SEMA5A: variants seen among roughly 807,000 people sequenced by gnomAD.
SEMA5A encodes semaphorin 5A, also known as semaphorin-5A.
A neutral mutation model predicts 135.5 loss-of-function variants in SEMA5A; 55 were observed. The observed-to-expected ratio is 0.41, with a 90% CI of 0.33 to 0.51. The LOEUF is 0.51. SEMA5A is among the 20% of genes least tolerant of loss of function. SEMA5A has a pLI of 0.37. For synonymous variants in SEMA5A, 580 were observed against 546.5 expected (o/e 1.06, Z -0.85); for missense variants, 1,290 against 1,419.9 (o/e 0.91, Z 1.47).
At chr5:9,427,934 A>G (rs1391772860) in intron 2 of SEMA5A, among the ~76,000 whole-genome samples, 1 of 152,052 alleles carries the variant, frequency 6.6e-6, no homozygotes, top group Admixed American at 6.6e-5. Context: ...GTTTCATCCA[A>G]TTATAAGGCT....
chr5:9,282,858 AG>A (rs1454822099), intron 5 of SEMA5A, among the ~76,000 whole-genome samples: 1 of 152,108 alleles, frequency 6.6e-6, no homozygotes. Flanking sequence ...CTTCATGGCA[AG>A]GGGGAAAGTT....
chr5:9,203,012 TA>T (rs1459914335), intron 8 of SEMA5A, among the ~76,000 whole-genome samples: 1 of 152,232 alleles, frequency 6.6e-6, no homozygotes, highest in Non-Finnish European at 1.5e-5. Context: ...AGCCTTTACT[TA>T]ATCACCAAGA....
chr5:9,536,577 C>A (rs1315446738), intron 1 of SEMA5A, among the ~76,000 whole-genome samples: 1 of 151,036 alleles, frequency 6.6e-6, no homozygotes, highest in East Asian at 1.9e-4. Flanking sequence ...CGCACCACTG[C>A]ACTCCAGCCT....
chr5:9,257,193 A>G (rs1012818415), intron 5 of SEMA5A, among the ~76,000 whole-genome samples: 6 of 152,204 alleles, frequency 3.9e-5, no homozygotes, highest in African/African-American at 1.4e-4. Context: ...AGAGTTTTGC[A>G]TCTGGCAATA....
chr5:9,306,140 AT>A (rs1751859341), intron 5 of SEMA5A, among the ~76,000 whole-genome samples: 1 of 152,114 alleles, frequency 6.6e-6, no homozygotes, highest in Admixed American at 6.6e-5. Context: ...TATCTATTGT[AT>A]TTGAGGTTTG....
intron 8 of SEMA5A, among the ~76,000 whole-genome samples, chr5:9,223,822 A>C (rs1017318436): frequency 6.6e-6 from 1 of 152,200 alleles, no homozygotes; most frequent in African/African-American, 2.4e-5. Flanking sequence ...GCTGCATTTC[A>C]GCTGACACAC....
intron 1 of SEMA5A, among the ~76,000 whole-genome samples, chr5:9,468,209 G>GT (rs550159608): frequency 6.6e-6 from 1 of 152,120 alleles, no homozygotes; most frequent in Non-Finnish European, 1.5e-5. Flanking sequence ...GGCATTGTTG[G>GT]TTTTTTTCTT....
At chr5:9,060,366 T>A (rs564922022) in intron 18 of SEMA5A, among the ~76,000 whole-genome samples, 15 of 152,130 alleles carry the variant, frequency 9.9e-5, no homozygotes, top group Admixed American at 3.9e-4. Flanking sequence ...TAGGACAACA[T>A]CCAAGTGTCT....
Position 9,545,146 on chromosome 5 carries a change from G to A in SEMA5A, c.-175+438C>T, listed in dbSNP as rs1385883946. On this transcript the variant is annotated intron_variant, in intron 1 of 22. Coordinates refer to ENST00000382496, the MANE Select transcript of SEMA5A (RefSeq NM_003966.3). This position sits in a 1 kb window ranked among gnomAD's most constrained non-coding sequence, Gnocchi z 4.5. ...AACCTGCCCAAGCCGGTGGGGCTGC[G>A]AGGTGGCCGCTCCCGAACCGCCAAG... Among the ~76,000 whole-genome samples the A allele has an allele frequency of 6.6e-6, 1 of 152,094 alleles. No homozygotes were observed. The highest frequency in any genetic ancestry group is 1.5e-5 in the Non-Finnish European group (1 of 68,014).
chr5:9,529,868 G>T (rs1038075566), intron 1 of SEMA5A, among the ~76,000 whole-genome samples: 1 of 152,188 alleles, frequency 6.6e-6, no homozygotes, highest in African/African-American at 2.4e-5. Context: ...AGTCTTAGAA[G>T]ACTCAGATCC....
At chr5:9,467,897 T>A (rs1015647620) in intron 1 of SEMA5A, among the ~76,000 whole-genome samples, 2 of 152,202 alleles carry the variant, frequency 1.3e-5, no homozygotes, top group East Asian at 3.9e-4. Context: ...ATAACACCAT[T>A]CGGGGCACTA....
chr5:9,089,802 A>G (rs1277656896), intron 16 of SEMA5A, among the ~76,000 whole-genome samples: 2 of 152,176 alleles, frequency 1.3e-5, no homozygotes, highest in Non-Finnish European at 2.9e-5. Context: ...ATAAGGTGAA[A>G]GAAGCTCCCA....
chr5:9,251,953 C>T (rs1579714449), intron 5 of SEMA5A, among the ~76,000 whole-genome samples: 1 of 152,258 alleles, frequency 6.6e-6, no homozygotes, highest in Non-Finnish European at 1.5e-5. Context: ...CCAAAGATTA[C>T]TGAGCTTTTA....
In SEMA5A at chr5:9,039,721, G is replaced by A. The variant is rs1302894819; in HGVS notation, c.*3176C>T. Reference sequence around the variant, plus strand: ...CTGGAGACTGTGGCTCTTCTGTGCGGTGGAGCCTGACCACGTGCCCCCTGA... The same window carrying A: ...CTGGAGACTGTGGCTCTTCTGTGCGATGGAGCCTGACCACGTGCCCCCTGA... On this transcript the variant is annotated 3_prime_UTR_variant, in exon 23 of 23. Transcript: ENST00000382496. 2.0e-5 allele frequency: 3 copies of A among 152,238 alleles called. No homozygotes were observed. The highest frequency in any genetic ancestry group is 4.1e-4 in the South Asian group (2 of 4,830). 9.4% of individuals were successfully genotyped at this position (152,238 alleles called of 1,614,324 possible).
At position 9,154,485 on chromosome 5, in the gene SEMA5A, T is replaced by C. The variant is rs1404443194; in HGVS notation, c.1481+3A>G. 6.2e-7 allele frequency: 1 copy of C among 1,611,876 alleles called. No homozygotes were observed. ...GTGCATCCTGACCCCGGAGATGCCCTACCTGCGTGTGCGGTAGAACTGGCA... is the reference window on the plus strand; with the variant it reads ...GTGCATCCTGACCCCGGAGATGCCCCACCTGCGTGTGCGGTAGAACTGGCA... On this transcript the variant is annotated splice_donor_region_variant and intron_variant, in intron 12 of 22. Coordinates refer to ENST00000382496, the MANE Select transcript of SEMA5A (RefSeq NM_003966.3).
intron 4 of SEMA5A, among the ~76,000 whole-genome samples, chr5:9,329,594 G>C (rs1579354932): frequency 6.6e-6 from 1 of 152,180 alleles, no homozygotes; most frequent in Non-Finnish European, 1.5e-5. Flanking sequence ...TAATACATTT[G>C]GATGAACCCC....
intron 1 of SEMA5A, among the ~76,000 whole-genome samples, chr5:9,441,607 T>C (rs1758237286): frequency 6.6e-6 from 1 of 151,762 alleles, no homozygotes. Context: ...TGCAATGCCA[T>C]AAGAATCACA....
chr5:9,392,946 A>G (rs775531761), intron 2 of SEMA5A, among the ~76,000 whole-genome samples: 1 of 152,248 alleles, frequency 6.6e-6, no homozygotes, highest in Non-Finnish European at 1.5e-5. Context: ...GTTAGTTCAC[A>G]GTCAGCCTAT....
intron 12 of SEMA5A, among the ~76,000 whole-genome samples, chr5:9,149,263 C>T (rs190096292): frequency 2.6e-5 from 4 of 152,294 alleles, no homozygotes; most frequent in African/African-American, 9.6e-5. Flanking sequence ...TCTGTGCAGC[C>T]TACAAGTGTT....
Sources: gnomAD v4.1 joint callset for allele counts (sites outside exome capture counted in the v4.1 genomes callset) on GRCh38, gnomAD v4.1.1 for gene constraint, Gnocchi (gnomAD v3.1) non-coding constraint, MANE v1.5 for transcripts, NCBI Gene and HGNC (gene_info 2026-07-23, HGNC 2026-07-21) for gene names.